Variants in INPP4B observed in about 807,000 individuals in gnomAD.
The protein encoded by INPP4B is inositol polyphosphate 4-phosphatase type II.
INPP4B carries 55 observed loss-of-function variants against 122.5 expected under a neutral mutation model. The ratio of observed to expected loss-of-function variants is 0.45; its 90% CI spans 0.36 to 0.56. The LOEUF (loss-of-function observed/expected upper bound fraction) is 0.56, where lower values mean the gene tolerates loss of function less well. Ranked by LOEUF, INPP4B falls within the 20% of genes least tolerant of loss-of-function variation. The probability of loss-of-function intolerance (pLI) is 0.00; values close to 1 mark genes in which losing one functional copy is unlikely to be tolerated. For missense variants in INPP4B, 1,000 were observed against 1,097.7 expected, an observed-to-expected ratio of 0.91 and a Z score of 1.26; for synonymous variants, 403 against 388.7, an observed-to-expected ratio of 1.04 and a Z score of -0.43.
At chr4:142,749,553 T>C (rs998126209) in intron 1 of INPP4B, among the ~76,000 whole-genome samples, 5 of 151,440 alleles carry the variant, frequency 3.3e-5, no homozygotes, top group Admixed American at 1.3e-4. Context: ...AAGGCAGTAC[T>C]GGGGATAAAA....
chr4:142,497,758 T>C (rs887297342), intron 2 of INPP4B, among the ~76,000 whole-genome samples: 5 of 152,192 alleles, frequency 3.3e-5, no homozygotes, highest in Non-Finnish European at 7.4e-5. Flanking sequence ...ATATTGTCAC[T>C]AGCTTCAGTC....
intron 16 of INPP4B, among the ~76,000 whole-genome samples, chr4:142,171,497 C>T (rs1474693221): frequency 4.0e-5 from 6 of 151,860 alleles, no homozygotes; most frequent in Admixed American, 3.9e-4. Flanking sequence ...TTACATCCCA[C>T]TAATATTCAA....
intron 7 of INPP4B, among the ~76,000 whole-genome samples, chr4:142,330,797 G>A (rs1774171394): frequency 6.6e-6 from 1 of 152,040 alleles, no homozygotes; most frequent in South Asian, 2.1e-4. Context: ...GCGTAAAGTG[G>A]GTTTACACTC....
intron 8 of INPP4B, among the ~76,000 whole-genome samples, chr4:142,312,959 G>C (rs34706232): frequency 0.28 from 42,963 of 151,898 alleles, 6,612 homozygotes; most frequent in African/African-American, 0.41. Context: ...ATAAACCTCT[G>C]TCTCCCTACT....
intron 2 of INPP4B, among the ~76,000 whole-genome samples, chr4:142,593,858 T>C (rs1738084900): frequency 6.6e-6 from 1 of 151,900 alleles, no homozygotes; most frequent in South Asian, 2.1e-4. Context: ...TTTCAGAATG[T>C]TCTCAGCATA....
intron 7 of INPP4B, among the ~76,000 whole-genome samples, chr4:142,380,625 G>C (rs1398977796): frequency 6.6e-6 from 1 of 151,838 alleles, no homozygotes; most frequent in Non-Finnish European, 1.5e-5. Context: ...CTTTCAGAAA[G>C]GCTATTAACA....
At position 142,483,182 on chromosome 4, in the gene INPP4B, C is replaced by CTTTTTTTTTTTTTTTT. The variant is rs5862604; in HGVS notation, c.-190-20472_-190-20457dup. Among the ~76,000 whole-genome samples the CTTTTTTTTTTTTTTTT allele has an allele frequency of 3.5e-4, 17 of 48,336 alleles. 2 individuals carry two copies. The highest frequency in any genetic ancestry group is 1.4e-3 in the East Asian group (2 of 1,464). 31.7% of individuals were successfully genotyped at this position (48,336 alleles called of 152,430 possible). On this transcript the variant is annotated intron_variant, in intron 2 of 25. Transcript: ENST00000262992. Reference sequence around the variant, plus strand: ...TAATAATGACTGGAGTCAGGCTATGCTTTTTTTTTTTTTTTTTTTTTTTTT... The same window carrying CTTTTTTTTTTTTTTTT: ...TAATAATGACTGGAGTCAGGCTATGCTTTTTTTTTTTTTTTTTTTTTTTTTTTTTTTTTTTTTTTTT...
chr4:142,610,849 T>A (rs934749636), intron 2 of INPP4B, among the ~76,000 whole-genome samples: 6 of 152,144 alleles, frequency 3.9e-5, no homozygotes, highest in East Asian at 1.9e-4. Flanking sequence ...CATCATTTTT[T>A]AAAAAAATAA....
rs2150567199 is a variant in INPP4B at position 142,270,714 on chromosome 4, C to T, written c.564G>A (p.Glu188=). Reference sequence around the variant, plus strand: ...TGTGGTCGGCTTCCCCATCCTCAATCTCCCCCATCTTCACGACACTGACTT... The same window carrying T: ...TGTGGTCGGCTTCCCCATCCTCAATTTCCCCCATCTTCACGACACTGACTT... ...TIEVSVVKMG[E]IEDGEADHIT... is the part of the protein sequence containing the mutation. Residue 188 remains glutamate (E), a synonymous_variant, in exon 10 of 26, where the codon GAG becomes GAA. Transcript: ENST00000262992. The T allele has an allele frequency of 1.9e-6, 3 of 1,614,024 alleles. No homozygotes were observed. The highest frequency in any genetic ancestry group is 1.7e-6 in the Non-Finnish European group (2 of 1,179,930).
intron 7 of INPP4B, among the ~76,000 whole-genome samples, chr4:142,348,727 G>A (rs1781065911): frequency 6.6e-6 from 1 of 152,044 alleles, no homozygotes; most frequent in South Asian, 2.1e-4. Flanking sequence ...AATGTCCCTA[G>A]TGAACAATTT....
At chr4:142,842,607 A>G (rs1324578667) in intron 1 of INPP4B, among the ~76,000 whole-genome samples, 1 of 136,650 alleles carries the variant, frequency 7.3e-6, no homozygotes, top group East Asian at 2.0e-4. Flanking sequence ...TTATATGTAT[A>G]ATATATAATA....
chr4:142,247,632 G>T (rs1034593658), intron 11 of INPP4B, among the ~76,000 whole-genome samples: 8 of 151,992 alleles, frequency 5.3e-5, no homozygotes, highest in African/African-American at 7.3e-5. Flanking sequence ...GGGGTCAGTG[G>T]TGATCTCCCC....
chr4:142,439,163 G>A (rs1005048596), intron 3 of INPP4B, among the ~76,000 whole-genome samples: 1 of 152,132 alleles, frequency 6.6e-6, no homozygotes, highest in Admixed American at 6.5e-5. Flanking sequence ...CATGGCAGAA[G>A]TATTATAGTC....
intron 23 of INPP4B, among the ~76,000 whole-genome samples, chr4:142,091,618 A>G (rs1299544645): frequency 1.3e-5 from 2 of 152,160 alleles, no homozygotes; most frequent in East Asian, 3.8e-4. Context: ...AACATTCACA[A>G]ACCCCATGAC....
At chr4:142,736,340 G>T (rs927893901) in intron 1 of INPP4B, among the ~76,000 whole-genome samples, 4 of 151,944 alleles carry the variant, frequency 2.6e-5, no homozygotes, top group African/African-American at 7.3e-5. Flanking sequence ...TTACCACTAA[G>T]TGTTCTAGTC....
At chr4:142,585,850 TTA>T (rs1736068930) in intron 2 of INPP4B, among the ~76,000 whole-genome samples, 1 of 132,682 alleles carries the variant, frequency 7.5e-6, no homozygotes, top group South Asian at 2.4e-4. Context: ...AAACACTTTA[TTA>T]TTATTATTAT....
chr4:142,133,948 G>A (rs998036012), intron 18 of INPP4B, among the ~76,000 whole-genome samples: 7 of 152,068 alleles, frequency 4.6e-5, no homozygotes, highest in African/African-American at 1.7e-4. Flanking sequence ...ACCCTTTTAC[G>A]TTGCTCTATA....
intron 2 of INPP4B, among the ~76,000 whole-genome samples, chr4:142,664,932 T>C (rs1410329012): frequency 6.6e-6 from 1 of 152,236 alleles, no homozygotes; most frequent in Non-Finnish European, 1.5e-5. Context: ...TATAGCCTAC[T>C]ATTCACCTAG....
At chr4:142,346,091 G>A (rs1333481670) in intron 7 of INPP4B, among the ~76,000 whole-genome samples, 1 of 152,036 alleles carries the variant, frequency 6.6e-6, no homozygotes, top group African/African-American at 2.4e-5. Context: ...CACAGTGGTA[G>A]AAGTAGCTGT....
Sources: allele counts gnomAD v4.1 joint callset (sites outside exome capture counted in the v4.1 genomes callset), GRCh38; gene constraint gnomAD v4.1.1; transcripts MANE v1.5; gene names NCBI Gene and HGNC (gene_info 2026-07-23, HGNC 2026-07-21).